Variants in SLC4A10 observed in about 807,000 individuals in gnomAD.
The protein encoded by SLC4A10 is sodium-driven chloride bicarbonate exchanger.
In SLC4A10, 42 loss-of-function variants were observed where a neutral mutation model predicts 137.7. The observed-to-expected ratio is 0.30, with a 90% CI of 0.24 to 0.39. SLC4A10 has a LOEUF of 0.39. Among genes scored for constraint, SLC4A10 ranks in the 10% least tolerant of loss-of-function variants. The pLI is 1.00. For synonymous variants in SLC4A10, 474 were observed against 464.1 expected, an observed-to-expected ratio of 1.02 and a Z score of -0.27; for missense variants, 925 against 1,355.0, an observed-to-expected ratio of 0.68 and a Z score of 4.98.
At chr2:161,890,539 G>A (rs1281139044) in intron 10 of SLC4A10, among the ~76,000 whole-genome samples, 1 of 152,044 alleles carries the variant, frequency 6.6e-6, no homozygotes, top group Non-Finnish European at 1.5e-5. Context: ...TTTACCATTA[G>A]GTAATGCCCT....
At chr2:161,864,019 G>A (rs2060589410) in intron 6 of SLC4A10, among the ~76,000 whole-genome samples, 1 of 152,106 alleles carries the variant, frequency 6.6e-6, no homozygotes, top group Non-Finnish European at 1.5e-5. Context: ...GGCTAACACG[G>A]TGAAACCCCG....
chr2:161,869,037 TA>T (rs1213272920), intron 6 of SLC4A10, among the ~76,000 whole-genome samples: 1 of 151,692 alleles, frequency 6.6e-6, no homozygotes, highest in Non-Finnish European at 1.5e-5. Flanking sequence ...TATAGCACTT[TA>T]AAAAAATTAC....
At chr2:161,938,859 T>A (rs2105726069) in intron 15 of SLC4A10, among the ~76,000 whole-genome samples, 1 of 151,902 alleles carries the variant, frequency 6.6e-6, no homozygotes, top group East Asian at 1.9e-4. Context: ...AGTCCATACA[T>A]ATCCTAGGGA....
At chr2:161,970,179 A>C (rs1698283934) in intron 23 of SLC4A10, among the ~76,000 whole-genome samples, 1 of 152,214 alleles carries the variant, frequency 6.6e-6, no homozygotes, top group South Asian at 2.1e-4. Context: ...ACTCTATCAG[A>C]ATTTTTTACT....
intron 1 of SLC4A10, among the ~76,000 whole-genome samples, chr2:161,719,488 C>T (rs1311518820): frequency 6.6e-6 from 1 of 152,148 alleles, no homozygotes; most frequent in East Asian, 1.9e-4. Flanking sequence ...CTGACTTCCA[C>T]AATGGTTGAA....
At chr2:161,876,859 T>C (rs1000584512) in intron 8 of SLC4A10, among the ~76,000 whole-genome samples, 2 of 152,034 alleles carry the variant, frequency 1.3e-5, no homozygotes, top group African/African-American at 4.8e-5. Flanking sequence ...CCAAAGTATA[T>C]GATTACTCCA....
chr2:161,725,661 G>A (rs2046138921), intron 1 of SLC4A10, among the ~76,000 whole-genome samples: 1 of 152,112 alleles, frequency 6.6e-6, no homozygotes, highest in East Asian at 1.9e-4. Context: ...CCCGGGTGGT[G>A]TAATCATTTG....
chr2:161,938,572 T>C (rs77959849), intron 15 of SLC4A10, among the ~76,000 whole-genome samples: 8,116 of 151,500 alleles, frequency 0.054, 335 homozygotes, highest in African/African-American at 0.12. Flanking sequence ...ACCTATAACA[T>C]GCTAGGCTGC....
At chr2:161,924,115 A>G (rs1197223815) in intron 15 of SLC4A10, among the ~76,000 whole-genome samples, 3 of 152,168 alleles carry the variant, frequency 2.0e-5, no homozygotes, top group Admixed American at 6.5e-5. Context: ...CCAGACTCAT[A>G]TTCTATCTCC....
At chr2:161,861,203 A>G (rs189923861) in intron 5 of SLC4A10, among the ~76,000 whole-genome samples, 41 of 152,356 alleles carry the variant, frequency 2.7e-4, no homozygotes, top group African/African-American at 8.9e-4. Context: ...TGTCAGTCAT[A>G]TGAATACCAT....
intron 1 of SLC4A10, among the ~76,000 whole-genome samples, chr2:161,626,203 T>G (rs2032330166): frequency 6.6e-6 from 1 of 151,932 alleles, no homozygotes; most frequent in Non-Finnish European, 1.5e-5. Context: ...GGGTGGGGTG[T>G]TGGAACCTGT....
At position 161,933,183 on chromosome 2, in the gene SLC4A10, T is replaced by TTTTTTTCTTTCTTTCTTTC. The variant is rs1339338924; in HGVS notation, c.1998-9606_1998-9605insTTTCTTTCTTTCTTTCTTT. On this transcript the variant is annotated intron_variant, in intron 15 of 26. Coordinates refer to ENST00000446997, the MANE Select transcript of SLC4A10 (RefSeq NM_001178015.2). The stretch of plus-strand genomic sequence containing the variant: ...CTTTCTTTCTCTTTCCCCTTCCTTC[T>TTTTTTTCTTTCTTTCTTTC]TTTCTTTCTTTCTTTCTTTCTTTCT... 1.0e-4 allele frequency among the ~76,000 whole-genome samples: 10 copies of TTTTTTTCTTTCTTTCTTTC among 97,684 alleles called. No individual in the cohort carries two copies. The South Asian group carries it at 2.0e-3, about 19-fold the overall frequency. 64.1% of individuals were successfully genotyped at this position (97,684 alleles called of 152,430 possible).
chr2:161,740,911 A>G (rs2047813674), intron 1 of SLC4A10, among the ~76,000 whole-genome samples: 1 of 152,208 alleles, frequency 6.6e-6, no homozygotes, highest in Non-Finnish European at 1.5e-5. Flanking sequence ...TGAAATGCTT[A>G]CTACGGTCAA....
intron 3 of SLC4A10, among the ~76,000 whole-genome samples, chr2:161,827,348 G>A (rs2058082151): frequency 6.6e-6 from 1 of 152,026 alleles, no homozygotes; most frequent in African/African-American, 2.4e-5. Context: ...TCATATGATG[G>A]TCCCTTAGTC....
At chr2:161,825,440 G>A (rs2057950129) in intron 3 of SLC4A10, among the ~76,000 whole-genome samples, 2 of 152,160 alleles carry the variant, frequency 1.3e-5, no homozygotes, top group South Asian at 4.2e-4. Flanking sequence ...CTCTCCTGGA[G>A]GTTTTCTCAC....
At chr2:161,898,849 T>A (rs184332146) in intron 11 of SLC4A10, among the ~76,000 whole-genome samples, 149 of 152,244 alleles carry the variant, frequency 9.8e-4, no homozygotes, top group Non-Finnish European at 1.7e-3. Flanking sequence ...CATAAATTCA[T>A]GACCACATAC....
At chr2:161,948,407 C>G (rs1405473989) in intron 17 of SLC4A10, among the ~76,000 whole-genome samples, 2 of 152,088 alleles carry the variant, frequency 1.3e-5, no homozygotes, top group Non-Finnish European at 2.9e-5. Context: ...ACTTTCTTCT[C>G]TAAGGTGGAA....
intron 1 of SLC4A10, among the ~76,000 whole-genome samples, chr2:161,719,067 C>T (rs2045308386): frequency 6.6e-6 from 1 of 152,028 alleles, no homozygotes; most frequent in Non-Finnish European, 1.5e-5. Flanking sequence ...CCTCACCCCA[C>T]AACAGTCCCC....
chr2:161,736,452 A>G (rs1028402143), intron 1 of SLC4A10, among the ~76,000 whole-genome samples: 7 of 152,230 alleles, frequency 4.6e-5, no homozygotes, highest in African/African-American at 1.7e-4. Context: ...TTTATAAAGG[A>G]AAGAGGCTTA....
Sources: allele counts gnomAD v4.1 joint callset (sites outside exome capture counted in the v4.1 genomes callset), GRCh38; gene constraint gnomAD v4.1.1; transcripts MANE v1.5; gene names NCBI Gene and HGNC (gene_info 2026-07-23, HGNC 2026-07-21).